RBFOX1: variants seen among roughly 807,000 people sequenced by gnomAD.
RBFOX1 encodes the protein RNA binding fox-1 homolog 1.
In RBFOX1, 8 loss-of-function variants were observed where a neutral mutation model predicts 57.7. The ratio of observed to expected loss-of-function variants is 0.14; its 90% CI spans 0.08 to 0.25. The LOEUF (loss-of-function observed/expected upper bound fraction) is 0.25, where lower values mean the gene tolerates loss of function less well. Ranked by LOEUF, RBFOX1 falls within the 10% of genes least tolerant of loss-of-function variation. RBFOX1 has a pLI of 1.00. For missense variants in RBFOX1, 611 were observed against 548.5 expected, an observed-to-expected ratio of 1.11 and a Z score of -1.14; for synonymous variants, 326 against 222.4, an observed-to-expected ratio of 1.47 and a Z score of -4.15.
intron 3 of RBFOX1, among the ~76,000 whole-genome samples, chr16:5,754,042 A>G (rs1195438944): frequency 2.6e-5 from 4 of 152,186 alleles, no homozygotes; most frequent in Non-Finnish European, 5.9e-5. Flanking sequence ...TGTGTATGTT[A>G]GTATGCATGT....
chr16:6,891,408 C>T (rs749153593), intron 3 of RBFOX1, among the ~76,000 whole-genome samples: 5 of 152,154 alleles, frequency 3.3e-5, no homozygotes, highest in South Asian at 2.1e-4. Context: ...CCCAGAAACC[C>T]GTTTGCCTTT....
chr16:7,333,038 G>T (rs753586841), intron 4 of RBFOX1: 1 of 1,613,850 alleles, frequency 6.2e-7, no homozygotes, highest in Non-Finnish European at 8.5e-7. Context: ...GCATCCTTAT[G>T]GCGTGCCTAT....
chr16:5,334,921 A>T (rs934839235), intron 1 of RBFOX1, among the ~76,000 whole-genome samples: 1 of 152,040 alleles, frequency 6.6e-6, no homozygotes, highest in Non-Finnish European at 1.5e-5. Context: ...AATGAGTAGC[A>T]TGGAAAGAAT....
intron 11 of RBFOX1, among the ~76,000 whole-genome samples, chr16:7,631,244 T>A (rs2060906971): frequency 6.6e-6 from 1 of 152,018 alleles, no homozygotes; most frequent in African/African-American, 2.4e-5. Context: ...GGCAGCAACA[T>A]TAAATAACTG....
At chr16:6,718,821 G>C (rs1344819232) in intron 3 of RBFOX1, among the ~76,000 whole-genome samples, 1 of 152,042 alleles carries the variant, frequency 6.6e-6, no homozygotes, top group Non-Finnish European at 1.5e-5. Flanking sequence ...TGGCAGAAGA[G>C]ATGTGCATGT....
intron 4 of RBFOX1, among the ~76,000 whole-genome samples, chr16:5,940,104 C>CA (rs1344734762): frequency 6.6e-6 from 1 of 152,182 alleles, no homozygotes; most frequent in African/African-American, 2.4e-5. Flanking sequence ...CCTGAAGGCT[C>CA]ACCCCGTATT....
At chr16:5,815,156 ATTTTTT>A (rs71142650) in intron 3 of RBFOX1, among the ~76,000 whole-genome samples, 27 of 114,210 alleles carry the variant, frequency 2.4e-4, no homozygotes, top group East Asian at 7.6e-4. Context: ...ATTTAATTTA[ATTTTTT>A]TTTTTTTTTT....
intron 1 of RBFOX1, among the ~76,000 whole-genome samples, chr16:5,448,586 C>A (rs568164460): frequency 6.6e-6 from 1 of 152,168 alleles, no homozygotes; most frequent in African/African-American, 2.4e-5. Context: ...CCCCATGGAA[C>A]TGCACTGAGT....
intron 3 of RBFOX1, among the ~76,000 whole-genome samples, chr16:5,635,914 A>C (rs1351582186): frequency 6.6e-6 from 1 of 152,208 alleles, no homozygotes; most frequent in Non-Finnish European, 1.5e-5. Flanking sequence ...GGTGATATCA[A>C]AACTATTTAA....
intron 4 of RBFOX1, among the ~76,000 whole-genome samples, chr16:7,380,593 A>G (rs1482986859): frequency 6.6e-6 from 1 of 152,224 alleles, no homozygotes; most frequent in Non-Finnish European, 1.5e-5. Context: ...AACAAAAACC[A>G]GTTTCCAAAC....
intron 2 of RBFOX1, among the ~76,000 whole-genome samples, chr16:6,527,849 T>A (rs541796295): frequency 6.6e-6 from 1 of 152,126 alleles, no homozygotes; most frequent in Non-Finnish European, 1.5e-5. Context: ...CTCATAAGGA[T>A]AAAGGCCTCC....
intron 1 of RBFOX1, among the ~76,000 whole-genome samples, chr16:6,235,930 C>T (rs963928817): frequency 6.6e-6 from 1 of 151,868 alleles, no homozygotes; most frequent in Non-Finnish European, 1.5e-5. Context: ...GTGATGGGTG[C>T]CCCAAAATCT....
At chr16:5,347,146 C>A (rs2065157995) in intron 1 of RBFOX1, among the ~76,000 whole-genome samples, 1 of 152,146 alleles carries the variant, frequency 6.6e-6, no homozygotes, top group South Asian at 2.1e-4. Flanking sequence ...GATATCTCCC[C>A]TTCCTGCTTC....
intron 4 of RBFOX1, among the ~76,000 whole-genome samples, chr16:7,085,630 T>C (rs2059874701): frequency 6.6e-6 from 1 of 152,158 alleles, no homozygotes; most frequent in African/African-American, 2.4e-5. Context: ...TAGTTATTTT[T>C]CCCTAAGTTT....
chr16:7,124,997 G>C (rs143557511), intron 4 of RBFOX1, among the ~76,000 whole-genome samples: 8 of 152,278 alleles, frequency 5.3e-5, no homozygotes, highest in Admixed American at 1.3e-4. Context: ...CGGACTGAGA[G>C]GTAGACATTT....
chr16:7,305,870 A>G (rs1603616822), intron 4 of RBFOX1, among the ~76,000 whole-genome samples: 1 of 152,324 alleles, frequency 6.6e-6, no homozygotes, highest in South Asian at 2.1e-4. Flanking sequence ...GAGAGTATTG[A>G]TAACATATTA....
chr16:6,645,847 C>T (rs571639031), intron 2 of RBFOX1, among the ~76,000 whole-genome samples: 23 of 152,206 alleles, frequency 1.5e-4, no homozygotes, highest in African/African-American at 4.8e-4. Flanking sequence ...TAATATGCTT[C>T]TCTTACAAAT....
chr16:7,556,968 A>G (rs571364734), intron 5 of RBFOX1, among the ~76,000 whole-genome samples: 1 of 152,212 alleles, frequency 6.6e-6, no homozygotes, highest in East Asian at 1.9e-4. Context: ...TCTGTTAACA[A>G]CAACGACATC....
chr16:7,064,357 T>C (rs2055393821), intron 4 of RBFOX1, among the ~76,000 whole-genome samples: 1 of 151,948 alleles, frequency 6.6e-6, no homozygotes, highest in African/African-American at 2.4e-5. Flanking sequence ...TTAGTAGAGA[T>C]GGGGTTTCAC....
Sources: gnomAD v4.1 joint callset for allele counts (sites outside exome capture counted in the v4.1 genomes callset) on GRCh38, gnomAD v4.1.1 for gene constraint, MANE v1.5 for transcripts, NCBI Gene and HGNC (gene_info 2026-07-23, HGNC 2026-07-21) for gene names.